Variants in DCC observed in about 807,000 individuals in gnomAD.
DCC encodes netrin receptor DCC.
A neutral mutation model predicts 172.5 loss-of-function variants in DCC; 58 were observed. The ratio of observed to expected loss-of-function variants is 0.34; its 90% CI spans 0.27 to 0.42. DCC has a LOEUF of 0.42. Among genes scored for constraint, DCC ranks in the 10% least tolerant of loss-of-function variants. The pLI is 1.00. For synonymous variants in DCC, 709 were observed against 644.5 expected (o/e 1.10, Z -1.52); for missense variants, 1,740 against 1,791.0 (o/e 0.97, Z 0.51).
At chr18:52,754,190 G>A (rs2037041449) in intron 2 of DCC, 1 of 152,074 alleles carries the variant, frequency 6.6e-6, no homozygotes, top group African/African-American at 2.4e-5. Context: ...TCCTAGTGAG[G>A]GTCTGAGAAA....
Position 52,519,152 on chromosome 18 carries a change from G to C in DCC, c.91+178274G>C, listed in dbSNP as rs1379999607. Among the ~76,000 whole-genome samples the C allele has an allele frequency of 2.0e-5, 3 of 152,312 alleles. No individual in the cohort carries two copies. In the East Asian group the frequency reaches 5.8e-4, roughly 29 times the overall value. ...TGCATGCCTTAGAAAAAATGTGCTT[G>C]TGTGGGAGAGCTCCAGAATGTAGCT... On this transcript the variant is annotated intron_variant, in intron 1 of 28. Coordinates refer to ENST00000442544, the MANE Select transcript of DCC (RefSeq NM_005215.4).
At chr18:52,346,881 C>A (rs982304404) in intron 1 of DCC, among the ~76,000 whole-genome samples, 1 of 152,148 alleles carries the variant, frequency 6.6e-6, no homozygotes, top group Admixed American at 6.6e-5. Flanking sequence ...TTTCACTAAT[C>A]CAAATTTTTT....
In DCC at chr18:52,513,113, C is replaced by T. The variant is rs142748827; in HGVS notation, c.91+172235C>T. Reference sequence around the variant, plus strand: ...GTGGAACAAGATGGGGGCAGGAAAACCAGTGAAGAGTCTATTATAGTTCTC... The same window carrying T: ...GTGGAACAAGATGGGGGCAGGAAAATCAGTGAAGAGTCTATTATAGTTCTC... On this transcript the variant is annotated intron_variant, in intron 1 of 28. Coordinates refer to ENST00000442544, the MANE Select transcript of DCC (RefSeq NM_005215.4). Among the ~76,000 whole-genome samples, 439 of 152,158 alleles carry T rather than the reference C, an allele frequency of 2.9e-3. 2 individuals carry two copies. The highest frequency in any genetic ancestry group is 9.8e-3 in the African/African-American group (407 of 41,516).
intron 1 of DCC, among the ~76,000 whole-genome samples, chr18:52,372,808 GA>G (rs1985179571): frequency 3.9e-5 from 6 of 152,152 alleles, no homozygotes; most frequent in South Asian, 4.1e-4. Flanking sequence ...CACTGAATTT[GA>G]TTTGTATACC....
intron 5 of DCC, among the ~76,000 whole-genome samples, chr18:52,987,852 C>A (rs1264033196): frequency 2.0e-5 from 3 of 152,216 alleles, no homozygotes; most frequent in Non-Finnish European, 4.4e-5. Context: ...TCCAAACTGT[C>A]TGCACAAATG....
At chr18:52,802,357 T>C (rs2038005476) in intron 2 of DCC, among the ~76,000 whole-genome samples, 1 of 152,096 alleles carries the variant, frequency 6.6e-6, no homozygotes, top group South Asian at 2.1e-4. Flanking sequence ...GGTGTGTGTT[T>C]TTGTATATAT....
chr18:53,222,475 T>C lies in DCC; in HGVS notation c.1911+6878T>C, dbSNP rs147102156. 7.2e-3 allele frequency among the ~76,000 whole-genome samples: 1,076 copies of C among 150,346 alleles called. 11 individuals are homozygous for C. The highest frequency in any genetic ancestry group is 0.025 in the African/African-American group (1,010 of 40,658). ...TCTCAGCTCACTGCAACCTCTGCCT[T>C]CTGGGTTCAAGCAATTCTTCTGTCT... On this transcript the variant is annotated intron_variant, in intron 12 of 28. Transcript: ENST00000442544.
chr18:52,749,162 A>T (rs62081896), intron 1 of DCC, among the ~76,000 whole-genome samples: 14 of 152,234 alleles, frequency 9.2e-5, no homozygotes, highest in South Asian at 4.1e-4. Context: ...ACTGCACTCC[A>T]GCCTGGGAGA....
At chr18:52,512,815 A>G (rs1268516227) in intron 1 of DCC, among the ~76,000 whole-genome samples, 3 of 152,226 alleles carry the variant, frequency 2.0e-5, no homozygotes, top group Non-Finnish European at 4.4e-5. Flanking sequence ...GTTTTGAATG[A>G]GATGGTCCAC....
Position 53,535,586 on chromosome 18 carries a change from T to G in DCC, c.*4933T>G, listed in dbSNP as rs1446490332. On this transcript the variant is annotated 3_prime_UTR_variant, in exon 29 of 29. Coordinates refer to ENST00000442544, the MANE Select transcript of DCC (RefSeq NM_005215.4). ...AGCCTTAGTGAGAAAAGAAATTTTT[T>G]GTTGTTACAAAACACCTTTTTTAAC... is the stretch of plus-strand genomic sequence containing the variant. 1 of 152,222 alleles carries G rather than the reference T, an allele frequency of 6.6e-6. No homozygotes were observed. Among genetic ancestry groups the G allele is most frequent in the East Asian group, 1.9e-4 (1 of 5,198 alleles). The allele number at this position is 152,222 out of a possible 1,614,324, so 9.4% of individuals were successfully genotyped here.
chr18:52,718,485 T>C (rs771555189), intron 1 of DCC, among the ~76,000 whole-genome samples: 3 of 152,196 alleles, frequency 2.0e-5, no homozygotes, highest in Non-Finnish European at 4.4e-5. Context: ...CCTTATTTCT[T>C]TGAAGCTCTG....
intron 8 of DCC, among the ~76,000 whole-genome samples, chr18:53,164,852 A>G (rs1375845306): frequency 6.6e-6 from 1 of 152,166 alleles, no homozygotes; most frequent in Non-Finnish European, 1.5e-5. Context: ...TGATCCTCAG[A>G]TAAGGTATTT....
At chr18:52,561,960 A>G (rs1016042347) in intron 1 of DCC, among the ~76,000 whole-genome samples, 1 of 152,130 alleles carries the variant, frequency 6.6e-6, no homozygotes, top group East Asian at 1.9e-4. Context: ...TTATTATTTC[A>G]CAAGTGTTAA....
At chr18:52,927,679 G>A (rs1759066757) in intron 5 of DCC, among the ~76,000 whole-genome samples, 1 of 151,992 alleles carries the variant, frequency 6.6e-6, no homozygotes, top group South Asian at 2.1e-4. Flanking sequence ...CTAATCATTA[G>A]AGAAATGTAA....
At chr18:53,366,895 G>C (rs1366912339) in intron 15 of DCC, among the ~76,000 whole-genome samples, 1 of 152,166 alleles carries the variant, frequency 6.6e-6, no homozygotes, top group South Asian at 2.1e-4. Context: ...GCTGGGAGAT[G>C]ACAAGGACTT....
At chr18:52,516,693 G>T (rs903895862) in intron 1 of DCC, among the ~76,000 whole-genome samples, 7 of 152,010 alleles carry the variant, frequency 4.6e-5, no homozygotes, top group Admixed American at 3.9e-4. Context: ...ACCTGAAAAG[G>T]TCATTATTGC....
intron 13 of DCC, among the ~76,000 whole-genome samples, chr18:53,310,731 T>C (rs1010190020): frequency 6.6e-6 from 1 of 152,074 alleles, no homozygotes; most frequent in Admixed American, 6.5e-5. Flanking sequence ...GACTGAAAAA[T>C]TGAAATAATA....
intron 8 of DCC, among the ~76,000 whole-genome samples, chr18:53,164,626 T>C: frequency 6.6e-6 from 1 of 152,150 alleles, no homozygotes; most frequent in Non-Finnish European, 1.5e-5. Flanking sequence ...ATAATAATAG[T>C]ATCTGATGTG....
At chr18:52,885,143 C>T (rs1447907192) in intron 2 of DCC, among the ~76,000 whole-genome samples, 1 of 151,982 alleles carries the variant, frequency 6.6e-6, no homozygotes, top group Admixed American at 6.6e-5. Context: ...CTATGGCCTG[C>T]TGTAACCACT....
Sources: allele counts gnomAD v4.1 joint callset (sites outside exome capture counted in the v4.1 genomes callset), GRCh38; gene constraint gnomAD v4.1.1; transcripts MANE v1.5; gene names NCBI Gene and HGNC (gene_info 2026-07-23, HGNC 2026-07-21).